MAP3K13: variants seen among roughly 807,000 people sequenced by gnomAD.
MAP3K13 encodes leucine zipper-bearing kinase.
MAP3K13 carries 52 observed loss-of-function variants against 104.0 expected under a neutral mutation model. The ratio of observed to expected loss-of-function variants is 0.50; its 90% CI spans 0.40 to 0.63. MAP3K13 has a LOEUF of 0.63. MAP3K13 is among the 20% of genes least tolerant of loss of function. MAP3K13 has a pLI of 0.00. For synonymous variants in MAP3K13, 394 were observed against 442.2 expected, an observed-to-expected ratio of 0.89 and a Z score of 1.37; for missense variants, 914 against 1,218.5, an observed-to-expected ratio of 0.75 and a Z score of 3.72.
chr3:185,349,023 A>T (rs1382058630), intron 2 of MAP3K13, among the ~76,000 whole-genome samples: 1 of 152,218 alleles, frequency 6.6e-6, no homozygotes, highest in Non-Finnish European at 1.5e-5. Flanking sequence ...TTGAAAGCTA[A>T]TGGTGATTTC....
chr3:185,447,328 T>C (rs1715642990), intron 4 of MAP3K13, among the ~76,000 whole-genome samples: 1 of 151,146 alleles, frequency 6.6e-6, no homozygotes, highest in Non-Finnish European at 1.5e-5. Context: ...CCATCTCTAC[T>C]AAAAATACAA....
At chr3:185,285,726 A>T in intron 2 of MAP3K13, 1 of 1,172,202 alleles carries the variant, frequency 8.5e-7, no homozygotes, top group Non-Finnish European at 1.2e-6. Context: ...ATTGTAATTG[A>T]AAAGTACAGT....
chr3:185,330,404 C>T (rs1722221435), intron 2 of MAP3K13, among the ~76,000 whole-genome samples: 1 of 151,878 alleles, frequency 6.6e-6, no homozygotes, highest in Non-Finnish European at 1.5e-5. Flanking sequence ...GAATCCAGGA[C>T]GCGTTGTCCT....
intron 2 of MAP3K13, among the ~76,000 whole-genome samples, chr3:185,287,804 G>A (rs1030202942): frequency 1.3e-5 from 2 of 152,152 alleles, no homozygotes; most frequent in African/African-American, 4.8e-5. Context: ...GGGAGGCCGA[G>A]GCAGGCAAAT....
At chr3:185,295,391 G>T (rs1720886926) in intron 2 of MAP3K13, among the ~76,000 whole-genome samples, 1 of 152,162 alleles carries the variant, frequency 6.6e-6, no homozygotes, top group South Asian at 2.1e-4. Flanking sequence ...TTTTAGTAGA[G>T]ATGGGGTTTC....
chr3:185,449,134 G>A (rs1010804969), intron 5 of MAP3K13, among the ~76,000 whole-genome samples: 3 of 152,088 alleles, frequency 2.0e-5, no homozygotes, highest in African/African-American at 7.2e-5. Flanking sequence ...CACTTTGGGA[G>A]GCCAAGGCGG....
At chr3:185,339,518 T>C (rs1451921563) in intron 2 of MAP3K13, among the ~76,000 whole-genome samples, 2 of 152,258 alleles carry the variant, frequency 1.3e-5, no homozygotes, top group Middle Eastern at 3.2e-3. Flanking sequence ...TACCATGATT[T>C]GTTTTTCTGT....
intron 1 of MAP3K13, among the ~76,000 whole-genome samples, chr3:185,419,869 A>T (rs1212798034): frequency 6.6e-6 from 1 of 152,084 alleles, no homozygotes; most frequent in African/African-American, 2.4e-5. Flanking sequence ...ACAAGTTTCT[A>T]TTTCTTGATA....
chr3:185,329,399 G>A (rs549791887), intron 2 of MAP3K13: 1 of 538,446 alleles, frequency 1.9e-6, no homozygotes, highest in African/African-American at 1.9e-5. Flanking sequence ...CATTAAATTG[G>A]AGGTTTTGAT....
At chr3:185,330,668 C>A (rs1213272792) in intron 2 of MAP3K13, among the ~76,000 whole-genome samples, 1 of 152,048 alleles carries the variant, frequency 6.6e-6, no homozygotes, top group East Asian at 1.9e-4. Context: ...ATGTTTCAGT[C>A]TTTTAACAAC....
At chr3:185,454,582 T>TG (rs1560116897) in intron 7 of MAP3K13, among the ~76,000 whole-genome samples, 52 of 113,382 alleles carry the variant, frequency 4.6e-4, no homozygotes, top group East Asian at 9.3e-4. Flanking sequence ...ATGATATATA[T>TG]ATGATATATA....
In MAP3K13 at chr3:185,297,564, G is replaced by A. The variant is rs550888422; in HGVS notation, c.-86+11921G>A. Among the ~76,000 whole-genome samples, 103 of 152,114 alleles carry A rather than the reference G, an allele frequency of 6.8e-4. No individual in the cohort carries two copies. In the Middle Eastern group the frequency reaches 0.01, roughly 15 times the overall value. On this transcript the variant is annotated intron_variant, in intron 2 of 14. Coordinates refer to the MAP3K13 transcript ENST00000424227. ...AGCCTGGCCAACATGGTGAAACCCT[G>A]TCTCTACTAATAATACAAAAATCAG...
chr3:185,303,364 A>G (rs1180257949), intron 2 of MAP3K13, among the ~76,000 whole-genome samples: 1 of 152,124 alleles, frequency 6.6e-6, no homozygotes, highest in East Asian at 1.9e-4. Context: ...ATCCTCTTCA[A>G]TTTTTTGAAA....
chr3:185,367,990 C>G (rs192741929), intron 1 of MAP3K13, among the ~76,000 whole-genome samples: 336 of 152,214 alleles, frequency 2.2e-3, no homozygotes, highest in Admixed American at 3.7e-3. Context: ...AACCCTGGGT[C>G]TACAAAAAAT....
At chr3:185,358,419 C>T (rs28516078), upstream of MAP3K13, among the ~76,000 whole-genome samples, 830 of 152,210 alleles carry the variant, frequency 5.5e-3, 6 homozygotes, top group African/African-American at 0.018. Flanking sequence ...CAATATGAAT[C>T]TTCCTTATAA....
In MAP3K13 at chr3:185,484,694, T is replaced by C. The variant is rs1019565121; in HGVS notation, c.*2238T>C. On this transcript the variant is annotated 3_prime_UTR_variant, in exon 14 of 14. Transcript: ENST00000265026. Reference sequence around the variant, plus strand: ...TGTTTAATTTATACAAAGAGCAGTATTGTTTGCATTAATTTATTCCATTTT... The same window carrying C: ...TGTTTAATTTATACAAAGAGCAGTACTGTTTGCATTAATTTATTCCATTTT... 8 of 152,260 alleles carry C rather than the reference T, an allele frequency of 5.3e-5. No individual in the cohort carries two copies. The highest frequency in any genetic ancestry group is 1.9e-4 in the African/African-American group (8 of 41,474). 9.4% of individuals were successfully genotyped at this position (152,260 alleles called of 1,614,324 possible). A position where few individuals can be genotyped will look rare whatever the true frequency, so the allele number is the denominator to read the frequency against.
At chr3:185,425,092 C>T (rs1415078187) in intron 1 of MAP3K13, among the ~76,000 whole-genome samples, 2 of 152,306 alleles carry the variant, frequency 1.3e-5, no homozygotes, top group East Asian at 3.9e-4. Context: ...TCAATAAACA[C>T]ATTTTGAATT....
intron 1 of MAP3K13, among the ~76,000 whole-genome samples, chr3:185,402,488 C>T (rs1375890302): frequency 6.6e-6 from 1 of 152,068 alleles, no homozygotes; most frequent in Non-Finnish European, 1.5e-5. Flanking sequence ...AAATTTAAGT[C>T]TGTTTAAGAA....
intron 1 of MAP3K13, among the ~76,000 whole-genome samples, chr3:185,422,846 G>A (rs1714210683): frequency 6.6e-6 from 1 of 152,168 alleles, no homozygotes; most frequent in Non-Finnish European, 1.5e-5. Flanking sequence ...AGCAGGAGGT[G>A]AGCAGCAGGT....
Sources: allele counts gnomAD v4.1 joint callset (sites outside exome capture counted in the v4.1 genomes callset), GRCh38; gene constraint gnomAD v4.1.1; transcripts MANE v1.5; gene names NCBI Gene and HGNC (gene_info 2026-07-23, HGNC 2026-07-21).